The following SCHIP1 variants were observed in gnomAD, a reference collection of about 807,000 sequenced individuals.
SCHIP1 encodes the protein schwannomin interacting protein 1.
Under a neutral mutation model 29.7 loss-of-function variants are expected in SCHIP1, and 8 were observed. The ratio of observed to expected loss-of-function variants is 0.27; its 90% CI spans 0.16 to 0.49. The LOEUF (loss-of-function observed/expected upper bound fraction) is 0.49, where lower values mean the gene tolerates loss of function less well. SCHIP1 is among the 20% of genes least tolerant of loss of function. SCHIP1 has a pLI of 0.99. For synonymous variants in SCHIP1, 76 were observed against 94.9 expected (o/e 0.80, Z 1.16); for missense variants, 193 against 294.6 (o/e 0.66, Z 2.52).
At chr3:159,363,599 A>T in the SCHIP1 span, among the ~76,000 whole-genome samples, 1 of 152,188 alleles carries the variant, frequency 6.6e-6, no homozygotes, top group African/African-American at 2.4e-5. Flanking sequence ...ATGCTTTACT[A>T]TCTTGGATTT....
At chr3:159,536,758 A>G in the SCHIP1 span, among the ~76,000 whole-genome samples, 3 of 152,204 alleles carry the variant, frequency 2.0e-5, no homozygotes, top group Non-Finnish European at 2.9e-5. Flanking sequence ...CTACTGGCTC[A>G]TGAGAACTAA....
chr3:159,757,677 A>T, the SCHIP1 span, among the ~76,000 whole-genome samples: 3 of 152,136 alleles, frequency 2.0e-5, no homozygotes, highest in African/African-American at 7.2e-5. Context: ...AATTTCATAC[A>T]ACTCTGCTTT....
the SCHIP1 span, among the ~76,000 whole-genome samples, chr3:159,422,826 A>C: frequency 0.19 from 29,239 of 152,022 alleles, 2,902 homozygotes; most frequent in Middle Eastern, 0.29. Flanking sequence ...GGTATACCAA[A>C]ATTTACTTGT....
chr3:159,522,640 G>T, the SCHIP1 span, among the ~76,000 whole-genome samples: 53 of 152,252 alleles, frequency 3.5e-4, 1 homozygote, highest in Admixed American at 2.0e-3. Flanking sequence ...GGAGGCGGAG[G>T]CGGGCAGATC....
chr3:159,882,768 T>C (rs1393028241), intron 2 of SCHIP1, among the ~76,000 whole-genome samples: 5 of 152,234 alleles, frequency 3.3e-5, no homozygotes, highest in African/African-American at 1.2e-4. Flanking sequence ...ATTTTAATAG[T>C]ATCCCTGGTA....
chr3:159,492,402 T>C, the SCHIP1 span, among the ~76,000 whole-genome samples: 1 of 152,112 alleles, frequency 6.6e-6, no homozygotes, highest in East Asian at 1.9e-4. Context: ...AGAGAAGTCC[T>C]TAAAGGACCT....
chr3:159,735,856 A>G, the SCHIP1 span, among the ~76,000 whole-genome samples: 6 of 152,200 alleles, frequency 3.9e-5, no homozygotes, highest in African/African-American at 1.4e-4. Context: ...AGCCTCTGTC[A>G]GGAGACGTGT....
At chr3:159,303,315 A>G in the SCHIP1 span, among the ~76,000 whole-genome samples, 2 of 152,050 alleles carry the variant, frequency 1.3e-5, no homozygotes, top group Admixed American at 1.3e-4. Flanking sequence ...TGATCACACA[A>G]GCAGTGGACT....
At chr3:159,821,115 A>G in the SCHIP1 span, among the ~76,000 whole-genome samples, 2 of 152,230 alleles carry the variant, frequency 1.3e-5, no homozygotes, top group Non-Finnish European at 2.9e-5. Context: ...ATGAAGGAAA[A>G]GAACCAGAGG....
chr3:159,607,235 G>A, the SCHIP1 span, among the ~76,000 whole-genome samples: 1 of 151,958 alleles, frequency 6.6e-6, no homozygotes, highest in East Asian at 1.9e-4. Flanking sequence ...AATAAGTTTG[G>A]GATTTACTAC....
chr3:159,493,951 C>A, the SCHIP1 span, among the ~76,000 whole-genome samples: 1 of 151,974 alleles, frequency 6.6e-6, no homozygotes, highest in African/African-American at 2.4e-5. Flanking sequence ...AAGAAACTCA[C>A]TCAAAACCGC....
At chr3:159,788,312 A>G in the SCHIP1 span, among the ~76,000 whole-genome samples, 1 of 152,308 alleles carries the variant, frequency 6.6e-6, no homozygotes, top group Non-Finnish European at 1.5e-5. Context: ...ATAGGGATCT[A>G]CTCTAAAAGC....
At chr3:159,707,088 T>C in the SCHIP1 span, among the ~76,000 whole-genome samples, 1 of 152,110 alleles carries the variant, frequency 6.6e-6, no homozygotes, top group Non-Finnish European at 1.5e-5. Context: ...TGGTGGCAAG[T>C]GTTACAAAGG....
intron 2 of SCHIP1, among the ~76,000 whole-genome samples, chr3:159,883,954 G>T (rs1311179684): frequency 6.6e-6 from 1 of 152,112 alleles, no homozygotes; most frequent in Non-Finnish European, 1.5e-5. Context: ...CAGAATTTAT[G>T]ATCAGACTTT....
the SCHIP1 span, among the ~76,000 whole-genome samples, chr3:159,750,906 A>C: frequency 8.6e-4 from 131 of 152,328 alleles, no homozygotes; most frequent in African/African-American, 3.0e-3. Context: ...AACAAACAAA[A>C]AAAAATTCCC....
the SCHIP1 span, among the ~76,000 whole-genome samples, chr3:159,336,511 A>G: frequency 1.3e-5 from 2 of 152,092 alleles, no homozygotes; most frequent in Non-Finnish European, 2.9e-5. Context: ...ATCTTGAATT[A>G]ATTTTTGTAT....
chr3:159,523,256 G>A, the SCHIP1 span, among the ~76,000 whole-genome samples: 1 of 152,152 alleles, frequency 6.6e-6, no homozygotes, highest in Non-Finnish European at 1.5e-5. Flanking sequence ...TATCCTGTTA[G>A]TGTTCAAACT....
chr3:159,855,663 AT>A (rs60953677), intron 1 of SCHIP1, among the ~76,000 whole-genome samples: 21,135 of 150,692 alleles, frequency 0.14, 1,575 homozygotes, highest in African/African-American at 0.2. Context: ...AAAAGTTGTA[AT>A]TTTTTTTTTA....
At chr3:159,850,076 C>A (rs1458119634) in intron 1 of SCHIP1, among the ~76,000 whole-genome samples, 2 of 152,200 alleles carry the variant, frequency 1.3e-5, no homozygotes, top group Non-Finnish European at 2.9e-5. Flanking sequence ...AAGGAAAATT[C>A]ATCATATAGC....
Sources: gnomAD v4.1 joint callset for allele counts (sites outside exome capture counted in the v4.1 genomes callset) on GRCh38, gnomAD v4.1.1 for gene constraint, MANE v1.5 for transcripts, NCBI Gene and HGNC (gene_info 2026-07-23, HGNC 2026-07-21) for gene names.